The following ARL10 variants were observed in gnomAD, a reference collection of about 807,000 sequenced individuals.
ARL10 encodes the protein ADP-ribosylation factor-like protein 10.
ARL10 carries 23 observed loss-of-function variants against 26.1 expected under a neutral mutation model. That is an observed-to-expected ratio of 0.88 (90% CI 0.63 to 1.25). ARL10 has a LOEUF of 1.25. Among genes scored for constraint, ARL10 ranks in the 50% most tolerant of loss-of-function variants. The pLI is 0.00. For synonymous variants in ARL10, 138 were observed against 149.1 expected (o/e 0.93, Z 0.54); for missense variants, 300 against 323.6 (o/e 0.93, Z 0.56).
At chr5:176,366,789 C>T (rs115172136) in intron 2 of ARL10, among the ~76,000 whole-genome samples, 1 of 152,116 alleles carries the variant, frequency 6.6e-6, no homozygotes, top group Non-Finnish European at 1.5e-5. Context: ...CCAGCTGCAC[C>T]GCCTGCCCCA....
In ARL10 at chr5:176,366,600, C is replaced by A; in HGVS notation, c.385+19C>A. The A allele has an allele frequency of 6.2e-7, 1 of 1,612,496 alleles. No individual in the cohort carries two copies. The highest frequency in any genetic ancestry group is 8.5e-7 in the Non-Finnish European group (1 of 1,179,398). ...CTAGAAAGTGAGCGGACACCCTACCCCATCTCCCCGTCTCCTCTACTGGAC... is the reference window on the plus strand; with the variant it reads ...CTAGAAAGTGAGCGGACACCCTACCACATCTCCCCGTCTCCTCTACTGGAC... On this transcript the variant is annotated intron_variant, in intron 2 of 3. Transcript: ENST00000310389.
At chr5:176,385,923 G>A (rs1019108992), downstream of ARL10, 1 of 152,618 alleles carries the variant, frequency 6.6e-6, no homozygotes, top group African/African-American at 2.4e-5. Context: ...GAGAGAGAAA[G>A]AGCTACCTCA....
intron 1 of ARL10, among the ~76,000 whole-genome samples, chr5:176,397,418 G>A (rs977347743): frequency 2.8e-4 from 31 of 111,984 alleles, no homozygotes; most frequent in Non-Finnish European, 3.6e-5. Flanking sequence ...CCCCTCTCAT[G>A]TCCCCACAGC....
rs1768583664 is a variant in ARL10, at chr5:176,372,727, G to GA, written c.*834dup. ...GTGCCCATGTTTACAGAAGTCAGGG[G>GA]AAGGAAGGAGCCTGTGTCCCTGGGA... On this transcript the variant is annotated 3_prime_UTR_variant, in exon 4 of 4. Coordinates refer to ENST00000310389, the MANE Select transcript of ARL10 (RefSeq NM_173664.6). 2.5e-6 allele frequency: 1 copy of GA among 395,812 alleles called. No homozygotes were observed. The highest frequency in any genetic ancestry group is 4.4e-5 in the Admixed American group (1 of 22,636). The allele number at this position is 395,812 out of a possible 1,614,324, so 24.5% of individuals were successfully genotyped here. A position where few individuals can be genotyped will look rare whatever the true frequency, so the allele number is the denominator to read the frequency against.
At chr5:176,366,303 C>T in intron 1 of ARL10, 77 bp from the exon 2 acceptor site, 2 of 1,506,020 alleles carry the variant, frequency 1.3e-6, no homozygotes, top group Admixed American at 4.0e-5. Context: ...CCTGGGCCCT[C>T]TGGTGCCTTC....
At chr5:176,392,025 A>G (rs1756275100), downstream of ARL10, among the ~76,000 whole-genome samples, 4 of 152,350 alleles carry the variant, frequency 2.6e-5, no homozygotes, top group South Asian at 8.3e-4. The surrounding 1 kb of genome is among the most constrained non-coding windows in gnomAD (Gnocchi z 5.2). Flanking sequence ...CCAAAATCCA[A>G]GATGAGCCCA....
downstream of ARL10, chr5:176,388,806 G>A (rs775173011): frequency 6.2e-7 from 1 of 1,611,086 alleles, no homozygotes; most frequent in African/African-American, 1.3e-5. Flanking sequence ...TTCTCCTGCT[G>A]CTGTGGCCCG....
rs543168339 is a variant in ARL10, at chr5:176,373,122, G to A, written c.*1227G>A. ...GACTCTGGGAGAGGATTTCCCTTAT[G>A]TGAATCTAGGTAAAAAGATGGAAAA... On this transcript the variant is annotated 3_prime_UTR_variant, in exon 4 of 4. Coordinates refer to ENST00000310389, the MANE Select transcript of ARL10 (RefSeq NM_173664.6). The A allele has an allele frequency of 7.0e-5, 28 of 398,532 alleles. No individual in the cohort carries two copies. The highest frequency in any genetic ancestry group is 6.3e-4 in the Middle Eastern group (1 of 1,588). 24.7% of individuals were successfully genotyped at this position (398,532 alleles called of 1,614,324 possible).
At chr5:176,385,170 G>A (rs116580789), downstream of ARL10, 166 of 1,024,896 alleles carry the variant, frequency 1.6e-4, no homozygotes, top group African/African-American at 1.4e-3. Flanking sequence ...ATCAAGCCGC[G>A]AATGGTCCAG....
chr5:176,366,330 A>C (rs375921626), intron 1 of ARL10, 50 bp from the exon 2 acceptor site: 10 of 1,550,778 alleles, frequency 6.4e-6, no homozygotes, highest in East Asian at 4.8e-5. Flanking sequence ...CCCTCGGGAA[A>C]GGTCCTTCGG....
At chr5:176,369,324 C>T in intron 3 of ARL10, 1 of 801,234 alleles carries the variant, frequency 1.2e-6, no homozygotes. Flanking sequence ...CCTCCACCTC[C>T]CGGGTTCAAG....
chr5:176,367,002 CTTTTT>C (rs67066126), intron 2 of ARL10, among the ~76,000 whole-genome samples: 4 of 106,522 alleles, frequency 3.8e-5, no homozygotes, highest in African/African-American at 1.6e-4. Context: ...CCTTTCTAGT[CTTTTT>C]TTTTTTTTTT....
At position 176,365,587 on chromosome 5, in the gene ARL10, C is replaced by T; in HGVS notation, c.24C>T (p.Pro8=). MAPRPLG[P]LVLALGGAAA... Reference sequence around the variant, plus strand: ...CGATGGCGCCGCGGCCGCTGGGCCCCTTGGTGCTGGCGCTGGGCGGCGCCG... The same window carrying T: ...CGATGGCGCCGCGGCCGCTGGGCCCTTTGGTGCTGGCGCTGGGCGGCGCCG... The change falls in exon 1 of 4, where the codon CCC becomes CCT. Residue 8 remains proline, a synonymous_variant. Coordinates refer to ENST00000310389, the MANE Select transcript of ARL10 (RefSeq NM_173664.6). The T allele has an allele frequency of 8.0e-7, 1 of 1,244,676 alleles. No homozygotes were observed. Among genetic ancestry groups the T allele is most frequent in the Non-Finnish European group, 1.0e-6 (1 of 995,620 alleles). The allele number at this position is 1,244,676 out of a possible 1,614,324, so 77.1% of individuals were successfully genotyped here.
chr5:176,397,876 ACT>A lies in ARL10; in HGVS notation c.134-3863_134-3862del, dbSNP rs924543132. 5 of 1,521,342 alleles carry A rather than the reference ACT, an allele frequency of 3.3e-6. No individual in the cohort carries two copies. The Admixed American group carries it at 8.4e-5, about 25-fold the overall frequency. The allele number at this position is 1,521,342 out of a possible 1,614,324, so 94.2% of individuals were successfully genotyped here. ...CCCATGCACTCCGAGGACTCCCCAC[ACT>A]CCACCCCACACACAGCCCACCCAGC... On this transcript the variant is annotated intron_variant, in intron 1 of 1. Coordinates refer to the ARL10 transcript ENST00000514533.
In ARL10 at chr5:176,374,744, A is replaced by G. The variant is rs562674279; in HGVS notation, c.*2849A>G. 2 of 152,348 alleles carry G rather than the reference A, an allele frequency of 1.3e-5. No individual in the cohort carries two copies. The highest frequency in any genetic ancestry group is 3.9e-4 in the East Asian group (2 of 5,186). 9.4% of individuals were successfully genotyped at this position (152,348 alleles called of 1,614,324 possible). Reference sequence around the variant, plus strand: ...GGTAACACAAGTCATGGTGATTGGGATACCCACTAAAAGAAACATGAAGAT... The same window carrying G: ...GGTAACACAAGTCATGGTGATTGGGGTACCCACTAAAAGAAACATGAAGAT... On this transcript the variant is annotated 3_prime_UTR_variant, in exon 4 of 4. Transcript: ENST00000310389.
downstream of ARL10, among the ~76,000 whole-genome samples, chr5:176,405,994 T>C (rs544720888): frequency 3.0e-4 from 45 of 152,154 alleles, no homozygotes; most frequent in Non-Finnish European, 6.0e-4. Context: ...CCGTGCACCA[T>C]GACCAGGAGA....
intron 2 of ARL10, chr5:176,367,873 T>A: frequency 1.9e-6 from 1 of 516,596 alleles, no homozygotes; most frequent in African/African-American, 2.0e-5. Flanking sequence ...GTCATTGCCA[T>A]GTCCTTCCCA....
chr5:176,389,225 T>A, downstream of ARL10: 1 of 1,373,356 alleles, frequency 7.3e-7, no homozygotes, highest in Non-Finnish European at 1.0e-6. Flanking sequence ...CCGCCCTCCC[T>A]CCGCTGTGAT....
chr5:176,365,949 G>T (rs1768278867), intron 1 of ARL10, among the ~76,000 whole-genome samples: 2 of 152,198 alleles, frequency 1.3e-5, no homozygotes, highest in African/African-American at 4.8e-5. Context: ...GTGCTTGGGT[G>T]CGTGCGGCGC....
Sources: gnomAD v4.1 joint callset for allele counts (sites outside exome capture counted in the v4.1 genomes callset) on GRCh38, gnomAD v4.1.1 for gene constraint, Gnocchi (gnomAD v3.1) non-coding constraint, MANE v1.5 for transcripts, NCBI Gene and HGNC (gene_info 2026-07-23, HGNC 2026-07-21) for gene names.